Variants in SEMA5A observed in about 807,000 individuals in gnomAD.
SEMA5A encodes the protein semaphorin 5A, also known as semaphorin-5A.
A neutral mutation model predicts 135.5 loss-of-function variants in SEMA5A; 55 were observed. The ratio of observed to expected loss-of-function variants is 0.41; its 90% CI spans 0.33 to 0.51. SEMA5A has a LOEUF of 0.51. SEMA5A is among the 20% of genes least tolerant of loss of function. The pLI, the probability that SEMA5A is intolerant of heterozygous loss-of-function variation, is 0.37. For synonymous variants in SEMA5A, 580 were observed against 546.5 expected, an observed-to-expected ratio of 1.06 and a Z score of -0.85; for missense variants, 1,290 against 1,419.9, an observed-to-expected ratio of 0.91 and a Z score of 1.47.
intron 4 of SEMA5A, among the ~76,000 whole-genome samples, chr5:9,333,963 A>G (rs1302966744): frequency 6.6e-6 from 1 of 152,010 alleles, no homozygotes; most frequent in African/African-American, 2.4e-5. Context: ...CATAATACGA[A>G]AGTTCATGTG....
At chr5:9,081,883 G>C (rs989395556) in intron 16 of SEMA5A, among the ~76,000 whole-genome samples, 2 of 152,196 alleles carry the variant, frequency 1.3e-5, no homozygotes, top group African/African-American at 4.8e-5. Context: ...AGAACTTAAA[G>C]CGGTGTTCTA....
At chr5:9,048,891 C>CTGTT (rs1383839418) in intron 21 of SEMA5A, among the ~76,000 whole-genome samples, 3 of 152,220 alleles carry the variant, frequency 2.0e-5, no homozygotes, top group Non-Finnish European at 2.9e-5. Flanking sequence ...ATGTTAGCAA[C>CTGTT]TGTTAGTTAG....
intron 4 of SEMA5A, among the ~76,000 whole-genome samples, chr5:9,320,898 T>TAC (rs374143903): frequency 2.2e-4 from 34 of 152,092 alleles, no homozygotes; most frequent in Admixed American, 3.3e-4. Flanking sequence ...GCAAGAAATC[T>TAC]ACACACACAC....
At chr5:9,387,985 G>C (rs1177986395) in intron 2 of SEMA5A, among the ~76,000 whole-genome samples, 1 of 152,130 alleles carries the variant, frequency 6.6e-6, no homozygotes, top group Non-Finnish European at 1.5e-5. Flanking sequence ...AAAGAAGTTT[G>C]TCATAAATGA....
intron 16 of SEMA5A, among the ~76,000 whole-genome samples, chr5:9,098,126 CCA>C (rs1191258896): frequency 6.6e-6 from 1 of 151,970 alleles, no homozygotes; most frequent in Non-Finnish European, 1.5e-5. Context: ...TGCCTGTAAT[CCA>C]GTTACTCGGG....
At chr5:9,090,885 T>C (rs770575836) in intron 16 of SEMA5A, among the ~76,000 whole-genome samples, 1 of 152,222 alleles carries the variant, frequency 6.6e-6, no homozygotes, top group African/African-American at 2.4e-5. Flanking sequence ...TGATTTATAA[T>C]GTAAAGCTGT....
intron 2 of SEMA5A, among the ~76,000 whole-genome samples, chr5:9,410,224 TAAGA>T (rs1018518698): frequency 6.6e-6 from 1 of 152,206 alleles, no homozygotes; most frequent in Non-Finnish European, 1.5e-5. Context: ...GTAGGTCTAT[TAAGA>T]AAGTAAAAAT....
At chr5:9,414,415 T>C (rs72729108) in intron 2 of SEMA5A, among the ~76,000 whole-genome samples, 1,734 of 152,314 alleles carry the variant, frequency 0.011, 13 homozygotes, top group Non-Finnish European at 0.019. Flanking sequence ...AAGATGTCCA[T>C]TTGATCTTTG....
chr5:9,427,582 G>A (rs889615852), intron 2 of SEMA5A, among the ~76,000 whole-genome samples: 9 of 152,020 alleles, frequency 5.9e-5, no homozygotes, highest in African/African-American at 1.9e-4. Flanking sequence ...TCCCTGTGCC[G>A]GGCTGATGAA....
intron 3 of SEMA5A, 109 bp from the exon 4 acceptor site, chr5:9,337,921 G>T: frequency 9.6e-6 from 7 of 728,242 alleles, no homozygotes; most frequent in Non-Finnish European, 1.5e-5. Context: ...GAGAGGATTC[G>T]GAGGTCCCTC....
intron 11 of SEMA5A, among the ~76,000 whole-genome samples, chr5:9,162,079 A>G (rs915578023): frequency 5.3e-5 from 8 of 152,188 alleles, no homozygotes; most frequent in African/African-American, 1.9e-4. Flanking sequence ...AGCAATCACG[A>G]CCATTAGAAA....
intron 5 of SEMA5A, among the ~76,000 whole-genome samples, chr5:9,245,110 T>C (rs1330576337): frequency 1.3e-5 from 2 of 152,154 alleles, no homozygotes; most frequent in Admixed American, 6.6e-5. Flanking sequence ...AAATGGAACA[T>C]TCCAGAAACA....
intron 1 of SEMA5A, among the ~76,000 whole-genome samples, chr5:9,542,321 A>T (rs973883194): frequency 1.3e-5 from 2 of 152,220 alleles, no homozygotes; most frequent in Non-Finnish European, 2.9e-5. Flanking sequence ...ATTTTCAACC[A>T]AACTTCTGCA....
rs1179639286 is a variant in SEMA5A, at chr5:9,353,265, C to CAAAGG, written c.125-15458_125-15454dup. Among the ~76,000 whole-genome samples the CAAAGG allele has an allele frequency of 9.1e-3, 467 of 51,042 alleles. 26 individuals carry two copies. The highest frequency in any genetic ancestry group is 0.039 in the African/African-American group (433 of 11,170). 33.5% of individuals were successfully genotyped at this position (51,042 alleles called of 152,430 possible). A position where few individuals can be genotyped will look rare whatever the true frequency, so the allele number is the denominator to read the frequency against. On this transcript the variant is annotated intron_variant, in intron 3 of 22. Coordinates refer to ENST00000382496, the MANE Select transcript of SEMA5A (RefSeq NM_003966.3). ...GAAAGGGAAGGGAAGGGAAGGGAAGCAAAGGAAAGGAAAGGAAAGGAGGGA... is the reference window on the plus strand; with the variant it reads ...GAAAGGGAAGGGAAGGGAAGGGAAGCAAAGGAAAGGAAAGGAAAGGAAAGGAGGGA...
chr5:9,525,672 C>T (rs1014354176), intron 1 of SEMA5A, among the ~76,000 whole-genome samples: 1 of 152,168 alleles, frequency 6.6e-6, no homozygotes, highest in Non-Finnish European at 1.5e-5. Flanking sequence ...CAAAATGCCC[C>T]CATTTGGTTC....
intron 7 of SEMA5A, among the ~76,000 whole-genome samples, chr5:9,225,568 C>CAAACAA (rs771143045): frequency 1.8e-5 from 2 of 112,318 alleles, no homozygotes; most frequent in African/African-American, 6.8e-5. Flanking sequence ...GACTCTGTCT[C>CAAACAA]AAAAAAAAAA....
chr5:9,390,402 G>T (rs1334235200), intron 2 of SEMA5A, among the ~76,000 whole-genome samples: 1 of 152,132 alleles, frequency 6.6e-6, no homozygotes, highest in Non-Finnish European at 1.5e-5. Context: ...GGACAAAAAA[G>T]GAGGATATTA....
chr5:9,535,674 T>G (rs1039372568), intron 1 of SEMA5A, among the ~76,000 whole-genome samples: 1 of 151,864 alleles, frequency 6.6e-6, no homozygotes, highest in African/African-American at 2.4e-5. Context: ...GCACCACCTT[T>G]GAGGAGTAAG....
In SEMA5A at chr5:9,044,330, A is replaced by G. The variant is rs189828225; in HGVS notation, c.3105+43T>C. On this transcript the variant is annotated intron_variant, in intron 22 of 22. Transcript: ENST00000382496. ...CATCAAAATACTCCCTACAAGTGTT[A>G]AGGAAAACCAGGCACTTAGCAGAAA... The G allele has an allele frequency of 1.4e-4, 221 of 1,526,470 alleles. 3 individuals carry two copies. The African/African-American group carries it at 2.8e-3, about 19-fold the overall frequency. The allele number at this position is 1,526,470 out of a possible 1,614,324, so 94.6% of individuals were successfully genotyped here.
Sources: allele counts gnomAD v4.1 joint callset (sites outside exome capture counted in the v4.1 genomes callset), GRCh38; gene constraint gnomAD v4.1.1; transcripts MANE v1.5; gene names NCBI Gene and HGNC (gene_info 2026-07-23, HGNC 2026-07-21).